The following ZSWIM5 variants were observed in gnomAD, a reference collection of about 807,000 sequenced individuals.
ZSWIM5 encodes zinc finger SWIM-type containing 5, also known as zinc finger SWIM domain-containing protein 5.
In ZSWIM5, 55 loss-of-function variants were observed where a neutral mutation model predicts 119.6. That is an observed-to-expected ratio of 0.46 (90% CI 0.37 to 0.58). ZSWIM5 has a LOEUF of 0.58. Ranked by LOEUF, ZSWIM5 falls within the 20% of genes least tolerant of loss-of-function variation. ZSWIM5 has a pLI of 0.00. For synonymous variants in ZSWIM5, 537 were observed against 606.9 expected (o/e 0.88, Z 1.69); for missense variants, 1,193 against 1,512.8 (o/e 0.79, Z 3.51).
At chr1:45,171,452 A>T (rs2149045385) in intron 1 of ZSWIM5, among the ~76,000 whole-genome samples, 3 of 152,228 alleles carry the variant, frequency 2.0e-5, no homozygotes, top group African/African-American at 7.2e-5. Context: ...TAACTGACAA[A>T]GATTAATCTA....
intron 1 of ZSWIM5, among the ~76,000 whole-genome samples, chr1:45,134,335 C>T (rs1188448584): frequency 1.3e-5 from 2 of 151,940 alleles, no homozygotes; most frequent in Non-Finnish European, 2.9e-5. Flanking sequence ...AACTTTTAAA[C>T]TAAATATGGC....
chr1:45,041,607 G>A (rs972292728), intron 6 of ZSWIM5, among the ~76,000 whole-genome samples: 2 of 147,676 alleles, frequency 1.4e-5, no homozygotes, highest in Non-Finnish European at 3.0e-5. Flanking sequence ...TGTGATCTCC[G>A]CTCACTGCAA....
At chr1:45,205,194 T>C (rs1470602248) in intron 1 of ZSWIM5, among the ~76,000 whole-genome samples, 1 of 151,904 alleles carries the variant, frequency 6.6e-6, no homozygotes, top group East Asian at 1.9e-4. Context: ...CGGTTATTGT[T>C]AGTCCGCAGC....
intron 1 of ZSWIM5, among the ~76,000 whole-genome samples, chr1:45,089,480 C>T (rs139248960): frequency 1.2e-4 from 19 of 152,290 alleles, no homozygotes; most frequent in African/African-American, 4.6e-4. Context: ...TTTATCACAG[C>T]AACCTTATAA....
Position 45,206,514 on chromosome 1 carries a change from G to T in ZSWIM5, c.-164C>A. On this transcript the variant is annotated 5_prime_UTR_variant, in exon 1 of 14. Coordinates refer to ENST00000359600, the MANE Select transcript of ZSWIM5 (RefSeq NM_020883.2). The stretch of plus-strand genomic sequence containing the variant: ...CGGCCCGAGTGGGGAACCGCGGCCG[G>T]GCCCGGGAGCGCGCCGCGAGGGCAG... 3.7e-6 allele frequency: 4 copies of T among 1,079,986 alleles called. No individual in the cohort carries two copies. The highest frequency in any genetic ancestry group is 4.5e-6 in the Non-Finnish European group (4 of 893,032). The allele number at this position is 1,079,986 out of a possible 1,614,324, so 66.9% of individuals were successfully genotyped here.
At chr1:45,198,126 T>G (rs1235155907) in intron 1 of ZSWIM5, among the ~76,000 whole-genome samples, 1 of 152,230 alleles carries the variant, frequency 6.6e-6, no homozygotes, top group African/African-American at 2.4e-5. Flanking sequence ...CATCTCAATT[T>G]GTACAGCTTA....
intron 1 of ZSWIM5, among the ~76,000 whole-genome samples, chr1:45,201,435 A>C (rs1260492767): frequency 6.6e-6 from 1 of 152,112 alleles, no homozygotes; most frequent in Non-Finnish European, 1.5e-5. Context: ...CATATAGTAA[A>C]CTTGACTTTT....
intron 2 of ZSWIM5, among the ~76,000 whole-genome samples, chr1:45,068,655 A>G (rs1040719825): frequency 4.6e-5 from 7 of 152,056 alleles, no homozygotes; most frequent in African/African-American, 1.7e-4. Flanking sequence ...ATTTTTCTGA[A>G]TGGTATCAGG....
intron 2 of ZSWIM5, among the ~76,000 whole-genome samples, chr1:45,061,689 A>G (rs1158723880): frequency 1.3e-5 from 2 of 150,542 alleles, no homozygotes; most frequent in East Asian, 1.9e-4. Flanking sequence ...CTATGTATAC[A>G]TTATAGGAAG....
chr1:45,184,876 C>A (rs954558927), intron 1 of ZSWIM5, among the ~76,000 whole-genome samples: 8 of 151,942 alleles, frequency 5.3e-5, no homozygotes, highest in Admixed American at 5.2e-4. Flanking sequence ...CAATGACTTT[C>A]TTCACAGAAT....
chr1:45,092,774 T>C (rs1238196066), intron 1 of ZSWIM5, among the ~76,000 whole-genome samples: 1 of 152,230 alleles, frequency 6.6e-6, no homozygotes, highest in East Asian at 1.9e-4. Context: ...CCTCATACAA[T>C]TGACTGAAAA....
rs1015250627 is a variant in ZSWIM5 at position 45,172,654 on chromosome 1, T to C, written c.595+33102A>G. On this transcript the variant is annotated intron_variant, in intron 1 of 13. Transcript: ENST00000359600. The stretch of plus-strand genomic sequence containing the variant: ...CCTCAGATACACTACCTCTTGCAGC[T>C]GAACTCTTTGGGGAAAAATATCCTC... Among the ~76,000 whole-genome samples the C allele has an allele frequency of 3.9e-5, 6 of 152,090 alleles. 1 individual carries two copies. Among genetic ancestry groups the C allele is most frequent in the Admixed American group, 2.0e-4 (3 of 15,240 alleles).
At chr1:45,105,601 C>CCG (rs1645467900) in intron 1 of ZSWIM5, among the ~76,000 whole-genome samples, 1 of 115,078 alleles carries the variant, frequency 8.7e-6, no homozygotes, top group African/African-American at 3.4e-5. Context: ...TGGCCGCCCC[C>CCG]TCTGGGAAGT....
intron 1 of ZSWIM5, among the ~76,000 whole-genome samples, chr1:45,134,087 G>A (rs1336859045): frequency 3.9e-5 from 6 of 151,986 alleles, no homozygotes; most frequent in Non-Finnish European, 7.4e-5. Context: ...TTGTCTTGGC[G>A]ATGCGGGCTC....
intron 1 of ZSWIM5, among the ~76,000 whole-genome samples, chr1:45,181,750 A>G (rs1441550157): frequency 6.6e-6 from 1 of 152,196 alleles, no homozygotes; most frequent in Non-Finnish European, 1.5e-5. Flanking sequence ...AAACTCTACA[A>G]GCCAGAAGAG....
rs936111803 is a variant in ZSWIM5, at chr1:45,019,114, G to A, written c.2898C>T (p.Ala966=). 3.1e-6 allele frequency: 5 copies of A among 1,614,034 alleles called. No individual in the cohort carries two copies. The African/African-American group carries it at 4.0e-5, about 13-fold the overall frequency. ...QCAMKDPQSC[A]LSALTLCEKD... is the part of the protein sequence containing the mutation. ...TCTCACAGAGTGTAAGGGCTGACAG[G>A]GCACAGCTCTGTGGATCCTTCATAG... The change falls in exon 14 of 14, where the codon GCC becomes GCT. Residue 966 remains alanine (A), a synonymous_variant. Coordinates refer to ENST00000359600, the MANE Select transcript of ZSWIM5 (RefSeq NM_020883.2). The surrounding 1 kb of genome is among the most constrained non-coding windows in gnomAD (Gnocchi z 5.0).
chr1:45,160,081 A>G (rs1166540274), intron 1 of ZSWIM5, among the ~76,000 whole-genome samples: 1 of 152,222 alleles, frequency 6.6e-6, no homozygotes, highest in Non-Finnish European at 1.5e-5. Context: ...GGTCTGCTGT[A>G]ATTTTTAAAA....
chr1:45,203,960 T>G (rs1206122101), intron 1 of ZSWIM5, among the ~76,000 whole-genome samples: 1 of 152,134 alleles, frequency 6.6e-6, no homozygotes, highest in African/African-American at 2.4e-5. Context: ...AGAAAACATG[T>G]TTGTTTATAT....
chr1:45,206,130 G>A lies in ZSWIM5; in HGVS notation c.221C>T (p.Ala74Val). ...CACCCGTTCGTATGCCCACTTTTCC[G>A]CCACCGTCTTGGCGGCGCAGTCCAG... is the stretch of plus-strand genomic sequence containing the variant. ...SLLDCAAKTV[A>V]EKWAYERVEE... Residue 74 changes from alanine (A) to valine (V), a missense_variant, in exon 1 of 14, where the codon GCG becomes GTG. Transcript: ENST00000359600. The A allele has an allele frequency of 1.2e-6, 2 of 1,610,984 alleles. No homozygotes were observed. Among genetic ancestry groups the A allele is most frequent in the Non-Finnish European group, 8.5e-7 (1 of 1,179,200 alleles).
Sources: allele counts gnomAD v4.1 joint callset (sites outside exome capture counted in the v4.1 genomes callset), GRCh38; gene constraint gnomAD v4.1.1; non-coding constraint Gnocchi (gnomAD v3.1); transcripts MANE v1.5; gene names NCBI Gene and HGNC (gene_info 2026-07-23, HGNC 2026-07-21).